INTS4: variants seen among roughly 807,000 people sequenced by gnomAD.
INTS4 encodes integrator complex subunit 4.
In INTS4, 70 loss-of-function variants were observed where a neutral mutation model predicts 119.5. That is an observed-to-expected ratio of 0.59 (90% confidence interval 0.48 to 0.71). INTS4 has a LOEUF of 0.71. Ranked by LOEUF, INTS4 falls within the 30% of genes least tolerant of loss-of-function variation. The pLI, the probability that INTS4 is intolerant of heterozygous loss-of-function variation, is 0.00. For missense variants in INTS4, 867 were observed against 1,173.2 expected, an observed-to-expected ratio of 0.74 and a Z score of 3.81; for synonymous variants, 316 against 419.6, an observed-to-expected ratio of 0.75 and a Z score of 3.02.
chr11:77,922,749 A>G, intron 12 of INTS4: 1 of 405,256 alleles, frequency 2.5e-6, no homozygotes. Context: ...TTACTCAGGT[A>G]TCAGGCAGGC....
chr11:77,989,348 G>A (rs1021186914), intron 2 of INTS4, among the ~76,000 whole-genome samples: 1 of 152,024 alleles, frequency 6.6e-6, no homozygotes, highest in Non-Finnish European at 1.5e-5. Flanking sequence ...TTAGCTGAGC[G>A]TGATGGCGCA....
intron 16 of INTS4, among the ~76,000 whole-genome samples, chr11:77,904,826 GATA>G (rs1175042437): frequency 6.6e-6 from 1 of 152,168 alleles, no homozygotes; most frequent in Non-Finnish European, 1.5e-5. Flanking sequence ...TTGTATGCAG[GATA>G]GTTGCATCAT....
intron 21 of INTS4, among the ~76,000 whole-genome samples, chr11:77,888,274 T>C (rs983949948): frequency 6.6e-6 from 1 of 152,104 alleles, no homozygotes; most frequent in African/African-American, 2.4e-5. Context: ...ATGCCACATA[T>C]CTACAACCAT....
chr11:77,924,862 G>A lies in INTS4; in HGVS notation c.1402C>T (p.His468Tyr). ...ACATTAGTACAGCATAAGAGTTCATGAAGAGCCTCTCGAATATCTCTGGAT... is the reference window on the plus strand; with the variant it reads ...ACATTAGTACAGCATAAGAGTTCATAAAGAGCCTCTCGAATATCTCTGGAT... ...DSSRDIREALHELLCCTNVST... is the reference protein window; with the variant it reads ...DSSRDIREALYELLCCTNVST... Residue 468 changes from histidine (H) to tyrosine (Y), a missense_variant, in exon 12 of 23, where the codon CAT becomes TAT. Physicochemically the swap from His to Tyr is moderately conservative, Grantham distance 83. Coordinates refer to ENST00000534064, the MANE Select transcript of INTS4 (RefSeq NM_033547.4). 6.3e-7 allele frequency: 1 copy of A among 1,597,208 alleles called. No individual in the cohort carries two copies. The highest frequency in any genetic ancestry group is 8.6e-7 in the Non-Finnish European group (1 of 1,166,286).
chr11:77,972,493 T>G (rs1054878247), intron 4 of INTS4, among the ~76,000 whole-genome samples: 1 of 151,986 alleles, frequency 6.6e-6, no homozygotes, highest in African/African-American at 2.4e-5. Flanking sequence ...CACAGCTCAC[T>G]GCAACCTCCG....
At chr11:77,876,350 G>T (rs1446768211), downstream of INTS4, among the ~76,000 whole-genome samples, 1 of 151,962 alleles carries the variant, frequency 6.6e-6, no homozygotes, top group Non-Finnish European at 1.5e-5. Context: ...GTAAATGAAG[G>T]TGCCACACTG....
intron 4 of INTS4, among the ~76,000 whole-genome samples, chr11:77,974,589 T>C (rs1011539450): frequency 2.3e-4 from 34 of 148,244 alleles, no homozygotes; most frequent in African/African-American, 8.0e-4. Context: ...TTCTGCCAGG[T>C]CTGTAATCAT....
chr11:77,976,084 AT>A (rs1480856669), intron 4 of INTS4, among the ~76,000 whole-genome samples: 2 of 152,050 alleles, frequency 1.3e-5, no homozygotes, highest in Admixed American at 6.5e-5. Flanking sequence ...GGAAAAACAT[AT>A]GAAAAAGAAA....
chr11:77,901,477 G>T lies in INTS4; in HGVS notation c.2172C>A (p.His724Gln), dbSNP rs1952775651. ...VENKQVVIIHHMRLQAKALQL... is the reference protein window; with the variant it reads ...VENKQVVIIHQMRLQAKALQL... ...GCAAAGCTTTGGCCTGCAGCCTCAT[G>T]TGATGTATAATCACCACCTGCTTAT... is the stretch of plus-strand genomic sequence containing the variant. Residue 724 changes from histidine (H) to glutamine (Q), a missense_variant, in exon 18 of 23, where the codon CAC (histidine) becomes CAA (glutamine). His to Gln is a conservative substitution (Grantham distance 24, BLOSUM62 0). Transcript: ENST00000534064. 2 of 1,613,786 alleles carry T rather than the reference G, an allele frequency of 1.2e-6. No individual in the cohort carries two copies. Among genetic ancestry groups the T allele is most frequent in the African/African-American group, 2.7e-5 (2 of 74,938 alleles).
chr11:77,895,358 T>C (rs980741582), intron 18 of INTS4, among the ~76,000 whole-genome samples: 1 of 152,056 alleles, frequency 6.6e-6, no homozygotes, highest in African/African-American at 2.4e-5. Flanking sequence ...AGGTTTAGTC[T>C]TTTTATTAAA....
downstream of INTS4, among the ~76,000 whole-genome samples, chr11:77,875,051 A>T (rs954696895): frequency 1.2e-4 from 19 of 152,132 alleles, no homozygotes; most frequent in Admixed American, 1.1e-3. Context: ...CAAAAAAAAA[A>T]AAAAAGACAT....
At chr11:77,954,047 C>T (rs906028856) in intron 8 of INTS4, among the ~76,000 whole-genome samples, 10 of 150,734 alleles carry the variant, frequency 6.6e-5, no homozygotes, top group African/African-American at 2.2e-4. Flanking sequence ...CTCTTGACCT[C>T]GTGATCCGCC....
intron 18 of INTS4, among the ~76,000 whole-genome samples, chr11:77,900,284 A>G (rs1023585874): frequency 6.6e-6 from 1 of 152,034 alleles, no homozygotes. Flanking sequence ...TATTTTTAGT[A>G]GAGACAGGGT....
At position 77,956,710 on chromosome 11, in the gene INTS4, A is replaced by AAAT. The variant is rs199933134; in HGVS notation, c.798-651_798-649dup. Reference sequence around the variant, plus strand: ...CAACAGAGCGAGACTCCATCTCAAAAAATAATAATAATAATAATAATAATA... The same window carrying AAAT: ...CAACAGAGCGAGACTCCATCTCAAAAAATAATAATAATAATAATAATAATAATA... On this transcript the variant is annotated intron_variant, in intron 7 of 22. Transcript: ENST00000534064. 5.1e-3 allele frequency among the ~76,000 whole-genome samples: 496 copies of AAAT among 97,696 alleles called. 14 individuals carry two copies. The highest frequency in any genetic ancestry group is 0.019 in the Middle Eastern group (4 of 206). The allele number at this position is 97,696 out of a possible 152,430, so 64.1% of individuals were successfully genotyped here. A position where few individuals can be genotyped will look rare whatever the true frequency, so the allele number is the denominator to read the frequency against.
chr11:77,979,488 A>G, intron 3 of INTS4, among the ~76,000 whole-genome samples: 1 of 151,772 alleles, frequency 6.6e-6, no homozygotes, highest in East Asian at 1.9e-4. Context: ...AAAACAGAAA[A>G]AAAAACAGAC....
At chr11:77,964,957 A>G (rs1260992391) in intron 4 of INTS4, among the ~76,000 whole-genome samples, 1 of 152,232 alleles carries the variant, frequency 6.6e-6, no homozygotes, top group Non-Finnish European at 1.5e-5. Context: ...TTGGGATACA[A>G]TGTGATACTT....
At chr11:77,957,666 T>C (rs1335914178) in intron 7 of INTS4, among the ~76,000 whole-genome samples, 1 of 145,234 alleles carries the variant, frequency 6.9e-6, no homozygotes, top group Non-Finnish European at 1.5e-5. Context: ...TGAACTTCTT[T>C]TTTTTTTTTT....
intron 10 of INTS4, among the ~76,000 whole-genome samples, chr11:77,934,339 A>G (rs1470092673): frequency 8.0e-5 from 12 of 150,612 alleles, no homozygotes; most frequent in Non-Finnish European, 1.8e-4. Flanking sequence ...CTATTGTCCT[A>G]TGACCCTGCC....
chr11:77,940,616 T>C (rs1013991760), intron 9 of INTS4, among the ~76,000 whole-genome samples: 4 of 152,104 alleles, frequency 2.6e-5, no homozygotes, highest in African/African-American at 4.8e-5. Flanking sequence ...TGAGGTTTTC[T>C]GGGGTTTTTT....
Sources: allele counts gnomAD v4.1 joint callset (sites outside exome capture counted in the v4.1 genomes callset), GRCh38; gene constraint gnomAD v4.1.1; transcripts MANE v1.5; gene names NCBI Gene and HGNC (gene_info 2026-07-23, HGNC 2026-07-21).